The following RALGAPA2 variants were observed in gnomAD, a reference collection of about 807,000 sequenced individuals.
RALGAPA2 encodes the protein Ral GTPase activating protein catalytic subunit alpha 2.
RALGAPA2 carries 139 observed loss-of-function variants against 230.4 expected under a neutral mutation model. That is an observed-to-expected ratio of 0.60 (90% confidence interval 0.53 to 0.69). RALGAPA2 has a LOEUF of 0.69. Ranked by LOEUF, RALGAPA2 falls within the 30% of genes least tolerant of loss-of-function variation. The pLI is 0.00. For synonymous variants in RALGAPA2, 847 were observed against 837.8 expected, an observed-to-expected ratio of 1.01 and a Z score of -0.19; for missense variants, 2,163 against 2,276.0, an observed-to-expected ratio of 0.95 and a Z score of 1.01.
At chr20:20,464,073 C>A (rs1331527655) in intron 37 of RALGAPA2, among the ~76,000 whole-genome samples, 2 of 152,152 alleles carry the variant, frequency 1.3e-5, no homozygotes, top group Non-Finnish European at 2.9e-5. Flanking sequence ...GAGGACGAAG[C>A]GCCAGGAGGC....
chr20:20,515,063 C>G (rs537485710), intron 31 of RALGAPA2, among the ~76,000 whole-genome samples: 1 of 152,208 alleles, frequency 6.6e-6, no homozygotes, highest in Non-Finnish European at 1.5e-5. Context: ...CCCATTTTGC[C>G]CCCTGCCCAC....
chr20:20,494,316 A>AG, intron 36 of RALGAPA2, among the ~76,000 whole-genome samples: 1 of 152,208 alleles, frequency 6.6e-6, no homozygotes, highest in African/African-American at 2.4e-5. Context: ...TATACATACT[A>AG]TCAAGCTGAA....
intron 31 of RALGAPA2, among the ~76,000 whole-genome samples, chr20:20,517,816 TAAAAA>T (rs200028814): frequency 7.7e-6 from 1 of 130,546 alleles, no homozygotes; most frequent in African/African-American, 2.8e-5. Flanking sequence ...AAAAAGAAAT[TAAAAA>T]AAAAAAAAGT....
chr20:20,475,802 G>T (rs769759241), intron 36 of RALGAPA2, among the ~76,000 whole-genome samples: 1 of 152,106 alleles, frequency 6.6e-6, no homozygotes, highest in Non-Finnish European at 1.5e-5. Context: ...ATAAAGGTTA[G>T]AAAGAAGTAA....
intron 2 of RALGAPA2, among the ~76,000 whole-genome samples, chr20:20,677,772 T>A (rs1201914291): frequency 1.3e-5 from 2 of 150,556 alleles, no homozygotes; most frequent in South Asian, 4.3e-4. Flanking sequence ...GCCTCCCAAG[T>A]AGCTGGGACT....
intron 33 of RALGAPA2, among the ~76,000 whole-genome samples, chr20:20,510,957 G>A (rs941019667): frequency 6.6e-6 from 1 of 152,304 alleles, no homozygotes; most frequent in South Asian, 2.1e-4. Context: ...TTCATCATAA[G>A]GAGGTGGTTG....
At chr20:20,528,029 G>A (rs1420425407) in intron 27 of RALGAPA2, among the ~76,000 whole-genome samples, 1 of 152,184 alleles carries the variant, frequency 6.6e-6, no homozygotes, top group Non-Finnish European at 1.5e-5. Context: ...CAGAGAGAAG[G>A]CATCGTGGAG....
chr20:20,522,482 G>A (rs2063073992), intron 30 of RALGAPA2, among the ~76,000 whole-genome samples: 1 of 152,188 alleles, frequency 6.6e-6, no homozygotes, highest in African/African-American at 2.4e-5. Flanking sequence ...TATGACTCTT[G>A]TATAGAGTTC....
In RALGAPA2 at chr20:20,593,644, T is replaced by C. The variant is rs926666768; in HGVS notation, c.2204-2330A>G. 7.9e-5 allele frequency among the ~76,000 whole-genome samples: 12 copies of C among 152,350 alleles called. No individual in the cohort carries two copies. In the South Asian group the frequency reaches 1.2e-3, roughly 16 times the overall value. ...AGCTTCCTAACTTTCTAAACTATAA[T>C]TGGCAAATGCCATTTTTTATGGATA... On this transcript the variant is annotated intron_variant, in intron 16 of 39. Coordinates refer to ENST00000202677, the MANE Select transcript of RALGAPA2 (RefSeq NM_020343.4).
intron 4 of RALGAPA2, among the ~76,000 whole-genome samples, chr20:20,649,775 A>G (rs1468303366): frequency 5.3e-5 from 8 of 152,178 alleles, no homozygotes; most frequent in African/African-American, 1.9e-4. Flanking sequence ...CAACACACAT[A>G]TAACTTAAGT....
chr20:20,637,453 TA>T lies in RALGAPA2; in HGVS notation c.714del (p.Phe238LeufsTer23). 6.4e-7 allele frequency: 1 copy of T among 1,572,912 alleles called. No homozygotes were observed. Among genetic ancestry groups the T allele is most frequent in the Non-Finnish European group, 8.6e-7 (1 of 1,156,912 alleles). ...WKNKENQDTG[F>X]KFLFTLFRKY... is the part of the protein sequence containing the mutation. The stretch of plus-strand genomic sequence containing the variant: ...TTTCGAAACAATGTAAAAAGAAATT[TA>T]AAACCAGTATCTTGATTCTCCTTAT... On this transcript the variant is annotated frameshift_variant, in exon 8 of 40. Coordinates refer to ENST00000202677, the MANE Select transcript of RALGAPA2 (RefSeq NM_020343.4). LOFTEE classifies it high-confidence loss of function.
intron 3 of RALGAPA2, among the ~76,000 whole-genome samples, chr20:20,666,795 C>A (rs974168690): frequency 1.2e-4 from 19 of 152,084 alleles, no homozygotes; most frequent in African/African-American, 4.1e-4. Flanking sequence ...TGTTGACTTG[C>A]CTAGAATTCA....
At chr20:20,477,801 T>C (rs1416978211) in intron 36 of RALGAPA2, among the ~76,000 whole-genome samples, 1 of 152,170 alleles carries the variant, frequency 6.6e-6, no homozygotes, top group Admixed American at 6.5e-5. Flanking sequence ...TTGGCCTGGC[T>C]GGTCTCGACT....
At chr20:20,460,856 A>G (rs1044560030) in intron 37 of RALGAPA2, among the ~76,000 whole-genome samples, 3 of 152,178 alleles carry the variant, frequency 2.0e-5, no homozygotes, top group Non-Finnish European at 2.9e-5. Context: ...ATGACCTAAA[A>G]AAGTGATCAC....
chr20:20,649,054 G>A (rs1175954824), intron 4 of RALGAPA2, among the ~76,000 whole-genome samples: 1 of 152,164 alleles, frequency 6.6e-6, no homozygotes. Context: ...AGCAGTAACG[G>A]TAAAAGCACC....
At chr20:20,394,037 G>A (rs746430786) in intron 39 of RALGAPA2, among the ~76,000 whole-genome samples, 2 of 152,176 alleles carry the variant, frequency 1.3e-5, no homozygotes, top group Non-Finnish European at 2.9e-5. Context: ...CATGACCTCT[G>A]CTGGGAACCA....
chr20:20,681,200 CTCT>C lies in RALGAPA2; in HGVS notation c.107-402_107-400del, dbSNP rs201880163. On this transcript the variant is annotated intron_variant, in intron 1 of 39. Transcript: ENST00000202677. ...GCCGTGAAGAGGGATGGGTTTGTAC[CTCT>C]GAAAAACAACTTTGCTGGTGGAGCT... 3.4e-3 allele frequency among the ~76,000 whole-genome samples: 518 copies of C among 152,270 alleles called. 5 individuals are homozygous for C. Among genetic ancestry groups the C allele is most frequent in the African/African-American group, 0.012 (489 of 41,554 alleles).
chr20:20,461,024 T>G (rs1183657185), intron 37 of RALGAPA2, among the ~76,000 whole-genome samples: 1 of 152,238 alleles, frequency 6.6e-6, no homozygotes, highest in African/African-American at 2.4e-5. Context: ...GTGGTTTATG[T>G]GAAGTGCTTT....
At chr20:20,472,597 G>A (rs888614345) in intron 37 of RALGAPA2, 10 of 323,000 alleles carry the variant, frequency 3.1e-5, no homozygotes, top group Admixed American at 9.2e-5. Flanking sequence ...AGACACAAAC[G>A]TATGTGAGTA....
Sources: gnomAD v4.1 joint callset for allele counts (sites outside exome capture counted in the v4.1 genomes callset) on GRCh38, gnomAD v4.1.1 for gene constraint, MANE v1.5 for transcripts, NCBI Gene and HGNC (gene_info 2026-07-23, HGNC 2026-07-21) for gene names.